The following SEPTIN7 variants were observed in gnomAD, a reference collection of about 807,000 sequenced individuals.
SEPTIN7 encodes septin-7.
A neutral mutation model predicts 63.3 loss-of-function variants in SEPTIN7; 10 were observed. That is an observed-to-expected ratio of 0.16 (90% CI 0.10 to 0.27). The LOEUF is 0.27. Among genes scored for constraint, SEPTIN7 ranks in the 10% least tolerant of loss-of-function variants. The pLI is 1.00. For synonymous variants in SEPTIN7, 131 were observed against 165.3 expected (o/e 0.79, Z 1.59); for missense variants, 310 against 521.0 (o/e 0.59, Z 3.94).
intron 1 of SEPTIN7, among the ~76,000 whole-genome samples, chr7:35,802,551 A>G (rs1788062852): frequency 6.6e-6 from 1 of 152,264 alleles, no homozygotes; most frequent in Non-Finnish European, 1.5e-5. Flanking sequence ...CAGATCATCT[A>G]AATTACTAAG....
intron 1 of SEPTIN7, among the ~76,000 whole-genome samples, chr7:35,829,911 G>T (rs186487736): frequency 6.6e-6 from 1 of 151,858 alleles, no homozygotes; most frequent in East Asian, 1.9e-4. Flanking sequence ...TCTGTGGCTG[G>T]GCTCGGTGGC....
Position 35,898,399 on chromosome 7 carries a change from T to A in SEPTIN7, c.1134+16T>A. On this transcript the variant is annotated intron_variant, in intron 12 of 13. Coordinates refer to ENST00000350320, the MANE Select transcript of SEPTIN7 (RefSeq NM_001788.6). Reference sequence around the variant, plus strand: ...TGAAGCTGAGGTAATCAGTCTAATATCCCATCTCTTAGCAGACATTGTGTT... The same window carrying A: ...TGAAGCTGAGGTAATCAGTCTAATAACCCATCTCTTAGCAGACATTGTGTT... 2 of 1,499,966 alleles carry A rather than the reference T, an allele frequency of 1.3e-6. No individual in the cohort carries two copies. Among genetic ancestry groups the A allele is most frequent in the Non-Finnish European group, 1.8e-6 (2 of 1,105,446 alleles). 92.9% of individuals were successfully genotyped at this position (1,499,966 alleles called of 1,614,324 possible). A position where few individuals can be genotyped will look rare whatever the true frequency, so the allele number is the denominator to read the frequency against.
downstream of SEPTIN7, among the ~76,000 whole-genome samples, chr7:35,910,958 G>A (rs948596493): frequency 8.5e-5 from 13 of 152,186 alleles, no homozygotes; most frequent in African/African-American, 3.1e-4. Flanking sequence ...AGTCGATTTG[G>A]ATACCATCAA....
chr7:35,846,734 C>CA (rs1449187384), intron 3 of SEPTIN7: 1 of 156,352 alleles, frequency 6.4e-6, no homozygotes. Flanking sequence ...CCAATGGGAC[C>CA]TAGAATTCCT....
chr7:35,908,879 A>G (rs1472109800), downstream of SEPTIN7, among the ~76,000 whole-genome samples: 1 of 152,066 alleles, frequency 6.6e-6, no homozygotes, highest in Non-Finnish European at 1.5e-5. Flanking sequence ...CAACTTTTTT[A>G]CCCCTCATTT....
At chr7:35,845,678 CTATT>C (rs1399176691) in intron 3 of SEPTIN7, among the ~76,000 whole-genome samples, 1 of 152,086 alleles carries the variant, frequency 6.6e-6, no homozygotes, top group Non-Finnish European at 1.5e-5. Flanking sequence ...TGTGATATGA[CTATT>C]TAGTCTGAAG....
intron 13 of SEPTIN7, among the ~76,000 whole-genome samples, chr7:35,903,650 A>C (rs1788454043): frequency 6.6e-6 from 1 of 152,234 alleles, no homozygotes. Context: ...AATGTTAGAT[A>C]TTTGATTTCC....
chr7:35,817,414 A>T (rs1789141079), intron 1 of SEPTIN7, among the ~76,000 whole-genome samples: 1 of 152,110 alleles, frequency 6.6e-6, no homozygotes, highest in South Asian at 2.1e-4. Context: ...TATGTCCTTA[A>T]TGGCAGTACC....
intron 7 of SEPTIN7, among the ~76,000 whole-genome samples, chr7:35,880,694 G>A (rs1349481108): frequency 6.6e-6 from 1 of 151,714 alleles, no homozygotes; most frequent in Admixed American, 6.6e-5. Flanking sequence ...CACTAATTTT[G>A]TTTTCAGTGC....
intron 12 of SEPTIN7, 55 bp from the exon 13 acceptor site, chr7:35,903,021 C>T (rs1788414971): frequency 6.6e-7 from 1 of 1,504,370 alleles, no homozygotes; most frequent in Admixed American, 2.4e-5. Flanking sequence ...ATGAAACATA[C>T]CTCTGCTTCT....
chr7:35,876,302 C>T (rs1055835), intron 6 of SEPTIN7, among the ~76,000 whole-genome samples: 1 of 151,870 alleles, frequency 6.6e-6, no homozygotes, highest in Non-Finnish European at 1.5e-5. Flanking sequence ...ATTAAATGCC[C>T]TTAAGATTTA....
At chr7:35,876,622 T>G (rs1341066325) in intron 6 of SEPTIN7, among the ~76,000 whole-genome samples, 1 of 152,134 alleles carries the variant, frequency 6.6e-6, no homozygotes, top group Non-Finnish European at 1.5e-5. Flanking sequence ...GGACCATTGC[T>G]TGAGGCCACA....
intron 4 of SEPTIN7, among the ~76,000 whole-genome samples, chr7:35,867,374 G>A (rs1785870036): frequency 6.6e-6 from 1 of 152,012 alleles, no homozygotes; most frequent in African/African-American, 2.4e-5. Context: ...TTTTTGAGAT[G>A]GAGCCCTGCT....
intron 1 of SEPTIN7, among the ~76,000 whole-genome samples, chr7:35,821,849 G>A (rs1399175298): frequency 6.6e-6 from 1 of 152,162 alleles, no homozygotes; most frequent in Non-Finnish European, 1.5e-5. Context: ...CACGATCTTA[G>A]CTCACTGCAA....
At chr7:35,828,039 C>G (rs1016360844) in intron 1 of SEPTIN7, among the ~76,000 whole-genome samples, 4 of 152,310 alleles carry the variant, frequency 2.6e-5, no homozygotes, top group African/African-American at 4.8e-5. Flanking sequence ...ACATGGTTCT[C>G]TCCCTCTGGG....
chr7:35,894,840 G>T (rs1181347957), intron 11 of SEPTIN7, among the ~76,000 whole-genome samples: 1 of 152,124 alleles, frequency 6.6e-6, no homozygotes, highest in Non-Finnish European at 1.5e-5. Context: ...CCAAATGTGG[G>T]TCATATGTAA....
chr7:35,804,451 A>G (rs1359493580), intron 1 of SEPTIN7, among the ~76,000 whole-genome samples: 1 of 152,232 alleles, frequency 6.6e-6, no homozygotes, highest in South Asian at 2.1e-4. Context: ...CCAGACACAC[A>G]CTAAATCCTT....
chr7:35,804,431 AG>A (rs1055152281), intron 1 of SEPTIN7, among the ~76,000 whole-genome samples: 1 of 152,226 alleles, frequency 6.6e-6, no homozygotes. Context: ...TAAGTGTTGA[AG>A]GCCGTAGACC....
chr7:35,903,742 T>A (rs1788459712), intron 13 of SEPTIN7, among the ~76,000 whole-genome samples: 1 of 152,194 alleles, frequency 6.6e-6, no homozygotes, highest in African/African-American at 2.4e-5. Context: ...CCTTAATAGT[T>A]TCACTTAAAA....
Sources: gnomAD v4.1 joint callset for allele counts (sites outside exome capture counted in the v4.1 genomes callset) on GRCh38, gnomAD v4.1.1 for gene constraint, MANE v1.5 for transcripts, NCBI Gene and HGNC (gene_info 2026-07-23, HGNC 2026-07-21) for gene names.